Variants in POFUT1 observed in about 807,000 individuals in gnomAD.
POFUT1 encodes protein O-fucosyltransferase 1.
Under a neutral mutation model 42.4 loss-of-function variants are expected in POFUT1, and 16 were observed. That is an observed-to-expected ratio of 0.38 (90% CI 0.26 to 0.57). POFUT1 has a LOEUF of 0.57. Ranked by LOEUF, POFUT1 falls within the 20% of genes least tolerant of loss-of-function variation. The pLI is 0.71. For synonymous variants in POFUT1, 206 were observed against 205.4 expected (o/e 1.00, Z -0.03); for missense variants, 470 against 504.6 (o/e 0.93, Z 0.66).
rs2047461621 is a variant in POFUT1, at chr20:32,234,806, C to T, written c.*145C>T. The T allele has an allele frequency of 2.9e-6, 2 of 691,082 alleles. No homozygotes were observed. The allele number at this position is 691,082 out of a possible 1,614,324, so 42.8% of individuals were successfully genotyped here. On this transcript the variant is annotated 3_prime_UTR_variant, in exon 7 of 7. Coordinates refer to ENST00000375749, the MANE Select transcript of POFUT1 (RefSeq NM_015352.2). ...AAGATGGAGAAGAGTGCCAGGGACC[C>T]CTCAAGGAGGGAGACGCTCCATATC...
intron 4 of POFUT1, among the ~76,000 whole-genome samples, chr20:32,220,282 C>G (rs1201888553): frequency 1.3e-5 from 2 of 152,214 alleles, no homozygotes; most frequent in African/African-American, 4.8e-5. Context: ...CAGCTGTCAG[C>G]TAGGGCTCAA....
At chr20:32,224,436 G>A (rs1269726731) in intron 4 of POFUT1, among the ~76,000 whole-genome samples, 3 of 152,086 alleles carry the variant, frequency 2.0e-5, no homozygotes, top group African/African-American at 4.8e-5. Context: ...GATAAGTGTC[G>A]CACAGCTGGA....
rs6121388 is a variant in POFUT1, at chr20:32,208,300, T to G, written c.124+235T>G. 0.014 allele frequency among the ~76,000 whole-genome samples: 2,152 copies of G among 152,064 alleles called. 28 individuals carry two copies. The highest frequency in any genetic ancestry group is 0.02 in the Non-Finnish European group (1,358 of 67,970). On this transcript the variant is annotated intron_variant, in intron 1 of 6. Transcript: ENST00000375749. Reference sequence around the variant, plus strand: ...GCTGGGAGAGGTTACGTGACTTGCTTGAGGTCTAAGCCAGTCCAGGGTCCA... The same window carrying G: ...GCTGGGAGAGGTTACGTGACTTGCTGGAGGTCTAAGCCAGTCCAGGGTCCA...
chr20:32,234,594 A>T lies in POFUT1; in HGVS notation c.1100A>T (p.Asp367Val). The change falls in exon 7 of 7, where the codon GAC (aspartate) becomes GTC (valine). Residue 367 changes from aspartate (D) to valine (V), a missense_variant. Asp to Val is a radical substitution (Grantham distance 152). Coordinates refer to ENST00000375749, the MANE Select transcript of POFUT1 (RefSeq NM_015352.2). ...SFTAFVKRER[D>V]LQGRPSSFFG... ...ACTGCCTTTGTGAAGCGGGAGCGGG[A>T]CCTCCAGGGGAGGCCGTCTTCTTTC... The T allele has an allele frequency of 1.2e-6, 2 of 1,613,972 alleles. No homozygotes were observed. Among genetic ancestry groups the T allele is most frequent in the Non-Finnish European group, 1.7e-6 (2 of 1,179,960 alleles).
intron 6 of POFUT1, among the ~76,000 whole-genome samples, chr20:32,232,211 T>C (rs1044087401): frequency 1.3e-5 from 2 of 152,046 alleles, no homozygotes; most frequent in Non-Finnish European, 2.9e-5. Context: ...GCACAGTGGC[T>C]CATGCCTGTA....
At chr20:32,217,167 A>G (rs755197516) in intron 4 of POFUT1, 12 of 1,506,944 alleles carry the variant, frequency 8.0e-6, no homozygotes, top group Middle Eastern at 1.8e-4. Flanking sequence ...TTTAAAAAAT[A>G]TAGGTTAGCA....
chr20:32,225,816 C>CA (rs745959101), intron 4 of POFUT1, among the ~76,000 whole-genome samples: 3 of 151,980 alleles, frequency 2.0e-5, no homozygotes, highest in Non-Finnish European at 4.4e-5. Context: ...AAAACAACAA[C>CA]AAAAAAACAG....
In POFUT1 at chr20:32,233,447, G is replaced by C. The variant is rs2047453021; in HGVS notation, c.979-1026G>C. On this transcript the variant is annotated intron_variant, in intron 6 of 6. Transcript: ENST00000375749. Reference sequence around the variant, plus strand: ...GATGATGGGGGTGGGATAAGAAGAGGCCCAGCGAGGACCTTGTAGGCCACG... The same window carrying C: ...GATGATGGGGGTGGGATAAGAAGAGCCCCAGCGAGGACCTTGTAGGCCACG... Among the ~76,000 whole-genome samples the C allele has an allele frequency of 3.3e-5, 5 of 152,166 alleles. No homozygotes were observed. In the South Asian group the frequency reaches 1.0e-3, roughly 32 times the overall value.
chr20:32,212,458 G>A (rs1021988893), intron 2 of POFUT1, among the ~76,000 whole-genome samples: 1 of 151,902 alleles, frequency 6.6e-6, no homozygotes, highest in African/African-American at 2.4e-5. Context: ...TAGGGACAAG[G>A]TCTCGCTATG....
intron 1 of POFUT1, among the ~76,000 whole-genome samples, chr20:32,208,325 A>C (rs2047305623): frequency 6.6e-6 from 1 of 152,176 alleles, no homozygotes; most frequent in Non-Finnish European, 1.5e-5. Flanking sequence ...TCCAGGGTCC[A>C]GTAAATGGAG....
chr20:32,224,948 A>G (rs1344942229), intron 4 of POFUT1, among the ~76,000 whole-genome samples: 1 of 152,220 alleles, frequency 6.6e-6, no homozygotes, highest in Non-Finnish European at 1.5e-5. Flanking sequence ...TTAGATTTAT[A>G]TGTAACCTTT....
chr20:32,226,212 C>T (rs2047414128), intron 4 of POFUT1, among the ~76,000 whole-genome samples: 1 of 152,018 alleles, frequency 6.6e-6, no homozygotes, highest in South Asian at 2.1e-4. Flanking sequence ...CTGTATTTGC[C>T]TGGATGGTTT....
At chr20:32,221,959 AGATCTG>A (rs1256956234) in intron 4 of POFUT1, among the ~76,000 whole-genome samples, 2 of 152,136 alleles carry the variant, frequency 1.3e-5, no homozygotes, top group Non-Finnish European at 1.5e-5. Context: ...AAGTAAAAGA[AGATCTG>A]GGTATGCAGT....
In POFUT1 at chr20:32,232,246, G is replaced by T. The variant is rs199994467; in HGVS notation, c.978+1185G>T. Among the ~76,000 whole-genome samples the T allele has an allele frequency of 7.9e-5, 12 of 152,192 alleles. No homozygotes were observed. In the East Asian group the frequency reaches 2.3e-3, roughly 29 times the overall value. ...AATCCCAGGCCAAGGCAGGAGAATT[G>T]CTTGAGGCCAGAAGTTCGAGACCAG... On this transcript the variant is annotated intron_variant, in intron 6 of 6. Coordinates refer to ENST00000375749, the MANE Select transcript of POFUT1 (RefSeq NM_015352.2).
At position 32,234,494 on chromosome 20, in the gene POFUT1, C is replaced by G. The variant is rs1290213616; in HGVS notation, c.1000C>G (p.Pro334Ala). The change falls in exon 7 of 7, where the codon CCT (proline) becomes GCT (alanine). Residue 334 changes from proline to alanine, a missense_variant. By Grantham distance (27) the Pro-to-Ala change is conservative. Transcript: ENST00000375749. Reference sequence around the variant, plus strand: ...GCAGGTGAAGGTGGTGAGCCTGAAGCCTGAGGTGGCCCAGGTCGACCTGTA... The same window carrying G: ...GCAGGTGAAGGTGGTGAGCCTGAAGGCTGAGGTGGCCCAGGTCGACCTGTA... ...KGKVKVVSLK[P>A]EVAQVDLYIL... The G allele has an allele frequency of 6.2e-7, 1 of 1,610,136 alleles. No individual in the cohort carries two copies. The highest frequency in any genetic ancestry group is 8.5e-7 in the Non-Finnish European group (1 of 1,177,928).
intron 5 of POFUT1, among the ~76,000 whole-genome samples, chr20:32,229,842 A>T (rs1315625759): frequency 6.7e-6 from 1 of 149,740 alleles, no homozygotes; most frequent in Non-Finnish European, 1.5e-5. Flanking sequence ...AAGCAAAATC[A>T]CAGTTCACCG....
At chr20:32,231,194 C>T in intron 6 of POFUT1, 133 bp downstream of exon 6, 1 of 949,838 alleles carries the variant, frequency 1.1e-6, no homozygotes, top group South Asian at 1.6e-5. Context: ...CTCTTCAGTT[C>T]CTACCCTCCT....
At position 32,217,740 on chromosome 20, in the gene POFUT1, C is replaced by T. The variant is rs1390372972; in HGVS notation, c.542+1019C>T. On this transcript the variant is annotated intron_variant, in intron 4 of 6. Coordinates refer to ENST00000375749, the MANE Select transcript of POFUT1 (RefSeq NM_015352.2). ...TGTTGGCTGTCAGTGTTATTACTCA[C>T]ATGCTTTATTTTATTTAAGACTTTG... The T allele has an allele frequency of 3.0e-6, 3 of 985,046 alleles. No homozygotes were observed. In the African/African-American group the frequency reaches 5.2e-5, roughly 17 times the overall value. 61.0% of individuals were successfully genotyped at this position (985,046 alleles called of 1,614,324 possible).
intron 5 of POFUT1, among the ~76,000 whole-genome samples, chr20:32,229,152 C>G (rs1316555065): frequency 6.6e-6 from 1 of 152,190 alleles, no homozygotes; most frequent in Non-Finnish European, 1.5e-5. Flanking sequence ...ACCAGACATT[C>G]AAGGAATAGT....
Sources: gnomAD v4.1 joint callset for allele counts (sites outside exome capture counted in the v4.1 genomes callset) on GRCh38, gnomAD v4.1.1 for gene constraint, MANE v1.5 for transcripts, NCBI Gene and HGNC (gene_info 2026-07-23, HGNC 2026-07-21) for gene names.